The following MARCHF8 variants were observed in gnomAD, a reference collection of about 807,000 sequenced individuals.
MARCHF8 encodes the protein E3 ubiquitin-protein ligase MARCHF8.
In MARCHF8, 40 loss-of-function variants were observed where a neutral mutation model predicts 51.6. The ratio of observed to expected loss-of-function variants is 0.77; its 90% CI spans 0.60 to 1.01. The LOEUF is 1.01. MARCHF8 is among the 50% of genes least tolerant of loss of function. The pLI, the probability that MARCHF8 is intolerant of heterozygous loss-of-function variation, is 0.00. For missense variants in MARCHF8, 685 were observed against 708.6 expected, an observed-to-expected ratio of 0.97 and a Z score of 0.38; for synonymous variants, 263 against 280.3, an observed-to-expected ratio of 0.94 and a Z score of 0.62.
rs549569658 is a variant in MARCHF8, at chr10:45,510,462, T to C, written c.103-21045A>G. Among the ~76,000 whole-genome samples, 353 of 152,282 alleles carry C rather than the reference T, an allele frequency of 2.3e-3. 1 individual carries two copies. The highest frequency in any genetic ancestry group is 4.2e-3 in the Non-Finnish European group (286 of 68,026). On this transcript the variant is annotated intron_variant, in intron 2 of 7. Transcript: ENST00000453424. Reference sequence around the variant, plus strand: ...GTACCATTTTACAAGAAGTTCAATTTTGAAATAAAATTTAGTACATATTTT... The same window carrying C: ...GTACCATTTTACAAGAAGTTCAATTCTGAAATAAAATTTAGTACATATTTT...
intron 6 of MARCHF8, chr10:45,459,952 T>A (rs1429289589): frequency 1.1e-6 from 1 of 940,166 alleles, no homozygotes; most frequent in African/African-American, 1.8e-5. Context: ...CACATATCCT[T>A]TGCCAACCCT....
At chr10:45,545,507 C>T (rs759088905) in intron 1 of MARCHF8, among the ~76,000 whole-genome samples, 6 of 152,168 alleles carry the variant, frequency 3.9e-5, no homozygotes, top group African/African-American at 7.2e-5. Flanking sequence ...ATATCTGCAG[C>T]AGATTGACCA....
At chr10:45,581,827 A>C (rs1444146684) in intron 1 of MARCHF8, among the ~76,000 whole-genome samples, 1 of 152,180 alleles carries the variant, frequency 6.6e-6, no homozygotes, top group African/African-American at 2.4e-5. Flanking sequence ...CAAGCTTTCA[A>C]AGATCACTCA....
chr10:45,561,918 AAAAG>A (rs1430253291), intron 1 of MARCHF8, among the ~76,000 whole-genome samples: 3 of 151,318 alleles, frequency 2.0e-5, no homozygotes, highest in Non-Finnish European at 2.9e-5. Context: ...AAAAAAAAAA[AAAAG>A]AAATTTTAAA....
Position 45,542,000 on chromosome 10 carries a change from A to T in MARCHF8, c.-78-8711T>A, listed in dbSNP as rs192827219. Among the ~76,000 whole-genome samples, 1,031 of 152,202 alleles carry T rather than the reference A, an allele frequency of 6.8e-3. 9 individuals carry two copies. The highest frequency in any genetic ancestry group is 0.023 in the African/African-American group (974 of 41,528). On this transcript the variant is annotated intron_variant, in intron 1 of 6. Transcript: ENST00000319836. ...AATTCAGAAAACTACCAAAATTAAA[A>T]TTTTTTAAAAACCACTCTACCCTTT...
Position 45,504,860 on chromosome 10 carries a change from C to G in MARCHF8, c.103-15443G>C, listed in dbSNP as rs373916758. On this transcript the variant is annotated intron_variant, in intron 2 of 7. Transcript: ENST00000453424. The stretch of plus-strand genomic sequence containing the variant: ...TGTCACTTTTAGCACTAGTATTTCC[C>G]TTACTGCGTCCCTCTTCCTCCTGAG... Among the ~76,000 whole-genome samples, 3 of 152,252 alleles carry G rather than the reference C, an allele frequency of 2.0e-5. No individual in the cohort carries two copies. In the East Asian group the frequency reaches 5.8e-4, roughly 29 times the overall value.
At chr10:45,553,960 T>G (rs1038057857) in intron 1 of MARCHF8, among the ~76,000 whole-genome samples, 1 of 152,214 alleles carries the variant, frequency 6.6e-6, no homozygotes, top group Non-Finnish European at 1.5e-5. Flanking sequence ...TCTGGAACCA[T>G]GTATATGTTT....
chr10:45,505,765 G>A (rs1469628801), intron 2 of MARCHF8, among the ~76,000 whole-genome samples: 1 of 152,216 alleles, frequency 6.6e-6, no homozygotes, highest in Non-Finnish European at 1.5e-5. Context: ...TTTAATGGGT[G>A]AGCAACTATA....
At chr10:45,546,105 G>A (rs951102517) in intron 1 of MARCHF8, among the ~76,000 whole-genome samples, 1 of 151,888 alleles carries the variant, frequency 6.6e-6, no homozygotes, top group East Asian at 1.9e-4. Flanking sequence ...TAAAAACAGC[G>A]AGTTCATTTT....
intron 1 of MARCHF8, among the ~76,000 whole-genome samples, chr10:45,577,365 G>A (rs1338486772): frequency 6.6e-6 from 1 of 152,084 alleles, no homozygotes; most frequent in Non-Finnish European, 1.5e-5. Flanking sequence ...TAAAATAAGA[G>A]TGTAATTGGA....
intron 1 of MARCHF8, among the ~76,000 whole-genome samples, chr10:45,557,945 AT>A (rs1316138521): frequency 1.3e-5 from 2 of 152,210 alleles, no homozygotes; most frequent in Admixed American, 6.5e-5. Flanking sequence ...TGCAAAAAAA[AT>A]GACTTAGCTA....
intron 3 of MARCHF8, among the ~76,000 whole-genome samples, chr10:45,474,426 T>C (rs2042750346): frequency 1.3e-5 from 2 of 151,828 alleles, no homozygotes; most frequent in Admixed American, 6.6e-5. Context: ...ACAGCAGAGA[T>C]GGAAAGTTGG....
At chr10:45,586,931 C>G (rs926761605) in intron 1 of MARCHF8, among the ~76,000 whole-genome samples, 1 of 150,906 alleles carries the variant, frequency 6.6e-6, no homozygotes. Context: ...TTAACATCTC[C>G]TAAAGTGCAT....
chr10:45,563,457 A>C (rs1270116945), intron 1 of MARCHF8, among the ~76,000 whole-genome samples: 1 of 152,212 alleles, frequency 6.6e-6, no homozygotes, highest in East Asian at 1.9e-4. Flanking sequence ...TTGTCTTAGC[A>C]GGCAATTAAG....
chr10:45,491,619 A>G (rs1309405538), intron 2 of MARCHF8, among the ~76,000 whole-genome samples: 3 of 152,254 alleles, frequency 2.0e-5, no homozygotes, highest in African/African-American at 7.2e-5. Flanking sequence ...TTCACTGGGA[A>G]TGAAAGCCCT....
intron 1 of MARCHF8, among the ~76,000 whole-genome samples, chr10:45,568,415 C>T (rs746284251): frequency 6.6e-6 from 1 of 152,050 alleles, no homozygotes; most frequent in African/African-American, 2.4e-5. Context: ...TGTCTTGAAC[C>T]ACACATAAAA....
chr10:45,530,807 T>TA (rs2043866534), intron 2 of MARCHF8, among the ~76,000 whole-genome samples: 1 of 151,644 alleles, frequency 6.6e-6, no homozygotes, highest in South Asian at 2.1e-4. Flanking sequence ...AAAATGAAAA[T>TA]AAAACTGACC....
intron 2 of MARCHF8, among the ~76,000 whole-genome samples, chr10:45,510,355 A>G (rs995982910): frequency 3.9e-5 from 6 of 152,222 alleles, no homozygotes; most frequent in Non-Finnish European, 7.3e-5. Flanking sequence ...TAGATTTGGG[A>G]AAATTATGAC....
rs1327351583 is a variant in MARCHF8 at position 45,456,598 on chromosome 10, G to A, written c.*1641C>T. 6.6e-6 allele frequency: 1 copy of A among 152,198 alleles called. No individual in the cohort carries two copies. The highest frequency in any genetic ancestry group is 1.5e-5 in the Non-Finnish European group (1 of 68,056). The allele number at this position is 152,198 out of a possible 1,614,324, so 9.4% of individuals were successfully genotyped here. A position where few individuals can be genotyped will look rare whatever the true frequency, so the allele number is the denominator to read the frequency against. On this transcript the variant is annotated 3_prime_UTR_variant, in exon 8 of 8. Transcript: ENST00000453424. The stretch of plus-strand genomic sequence containing the variant: ...GCTTCATCCCCTTAGCAGGATGAAC[G>A]AAACGCCTAAGGCCCAAAAAGACTG...
Sources: gnomAD v4.1 joint callset for allele counts (sites outside exome capture counted in the v4.1 genomes callset) on GRCh38, gnomAD v4.1.1 for gene constraint, MANE v1.5 for transcripts, NCBI Gene and HGNC (gene_info 2026-07-23, HGNC 2026-07-21) for gene names.